The following EYS variants were observed in gnomAD, a reference collection of about 807,000 sequenced individuals.
EYS encodes the protein protein eyes shut homolog.
A neutral mutation model predicts 282.1 loss-of-function variants in EYS; 250 were observed. That is an observed-to-expected ratio of 0.89 (90% CI 0.80 to 0.98). EYS has a LOEUF of 0.98. Ranked by LOEUF, EYS falls within the 50% of genes least tolerant of loss-of-function variation. The probability of loss-of-function intolerance (pLI) is 0.00; values close to 1 mark genes in which losing one functional copy is unlikely to be tolerated. For missense variants in EYS, 4,016 were observed against 3,709.0 expected (o/e 1.08, Z -2.15); for synonymous variants, 1,355 against 1,282.9 (o/e 1.06, Z -1.20).
intron 28 of EYS, among the ~76,000 whole-genome samples, chr6:64,428,273 T>A (rs1314600987): frequency 2.0e-5 from 3 of 152,148 alleles, no homozygotes; most frequent in African/African-American, 7.2e-5. Flanking sequence ...TATTTTTTCA[T>A]CTCTGTTTTC....
intron 13 of EYS, among the ~76,000 whole-genome samples, chr6:65,047,962 G>C (rs1352280769): frequency 2.0e-5 from 3 of 151,714 alleles, no homozygotes; most frequent in Non-Finnish European, 2.9e-5. Flanking sequence ...GGGAAATGAG[G>C]TGATAAATGT....
chr6:64,938,496 T>C (rs1479748280), intron 15 of EYS, among the ~76,000 whole-genome samples: 1 of 151,692 alleles, frequency 6.6e-6, no homozygotes, highest in Non-Finnish European at 1.5e-5. Flanking sequence ...ATAATTTATA[T>C]ATAGATGGTC....
intron 26 of EYS, among the ~76,000 whole-genome samples, chr6:64,449,914 A>G (rs1198742223): frequency 1.3e-5 from 2 of 152,310 alleles, no homozygotes; most frequent in Admixed American, 6.5e-5. Flanking sequence ...GCCAAATTGT[A>G]AAGACCGTCA....
At chr6:64,691,678 T>A in intron 22 of EYS, among the ~76,000 whole-genome samples, 1 of 152,024 alleles carries the variant, frequency 6.6e-6, no homozygotes, top group East Asian at 1.9e-4. Flanking sequence ...TAACCTACAG[T>A]GTTTATTATT....
intron 26 of EYS, among the ~76,000 whole-genome samples, chr6:64,480,156 T>C (rs778684590): frequency 4.6e-5 from 7 of 151,930 alleles, no homozygotes; most frequent in Admixed American, 6.6e-5. Context: ...ATACCACTAG[T>C]AACTCATGTA....
At chr6:64,024,950 C>A (rs888075888) in intron 33 of EYS, among the ~76,000 whole-genome samples, 10 of 152,146 alleles carry the variant, frequency 6.6e-5, no homozygotes, top group Non-Finnish European at 1.3e-4. Flanking sequence ...CACATTTTGG[C>A]GACCACGAAG....
At chr6:64,510,551 C>T (rs9351291) in intron 26 of EYS, among the ~76,000 whole-genome samples, 59,626 of 151,896 alleles carry the variant, frequency 0.39, 12,022 homozygotes, top group African/African-American at 0.5. Flanking sequence ...ACAACTATCT[C>T]TAAAAAATCA....
intron 2 of EYS, among the ~76,000 whole-genome samples, chr6:65,579,407 T>A (rs1446137813): frequency 6.6e-6 from 1 of 152,100 alleles, no homozygotes; most frequent in Admixed American, 6.6e-5. Flanking sequence ...TTTCTGGAAA[T>A]ATATATCAGA....
intron 14 of EYS, among the ~76,000 whole-genome samples, chr6:64,954,027 G>A (rs1239655318): frequency 1.3e-5 from 2 of 151,514 alleles, no homozygotes; most frequent in Non-Finnish European, 2.9e-5. Flanking sequence ...AAAGCAAATG[G>A]TCATTTTAGT....
intron 29 of EYS, among the ~76,000 whole-genome samples, chr6:64,345,441 G>A (rs1771345186): frequency 6.6e-6 from 1 of 152,030 alleles, no homozygotes; most frequent in African/African-American, 2.4e-5. Context: ...ACAAAAACAA[G>A]CAATGGGAAA....
chr6:64,754,136 G>C (rs1562172550), intron 22 of EYS, among the ~76,000 whole-genome samples: 1 of 151,976 alleles, frequency 6.6e-6, no homozygotes, highest in Admixed American at 6.6e-5. Context: ...TGTGTTACAT[G>C]CTTACATCAA....
At chr6:65,559,705 C>A (rs1582455588) in intron 2 of EYS, among the ~76,000 whole-genome samples, 1 of 151,934 alleles carries the variant, frequency 6.6e-6, no homozygotes, top group Admixed American at 6.6e-5. Context: ...CATTTAAATA[C>A]CATGTTTAAT....
chr6:63,823,405 A>C (rs1325082574), intron 36 of EYS, among the ~76,000 whole-genome samples: 1 of 152,206 alleles, frequency 6.6e-6, no homozygotes, highest in East Asian at 1.9e-4. Flanking sequence ...ATTACCTTTG[A>C]AGATGCTAAC....
At chr6:65,105,044 T>C (rs991646730) in intron 12 of EYS, among the ~76,000 whole-genome samples, 13 of 151,644 alleles carry the variant, frequency 8.6e-5, no homozygotes, top group African/African-American at 3.1e-4. Context: ...GATATACATG[T>C]TTTTCCATGG....
chr6:65,384,364 T>G, intron 8 of EYS, 22 bp downstream of exon 8: 1 of 1,319,666 alleles, frequency 7.6e-7, no homozygotes, highest in Non-Finnish European at 1.1e-6. Flanking sequence ...TAACTTATGT[T>G]GCCATGTATT....
At chr6:64,868,924 C>T (rs1211510302) in intron 19 of EYS, among the ~76,000 whole-genome samples, 1 of 151,366 alleles carries the variant, frequency 6.6e-6, no homozygotes, top group African/African-American at 2.4e-5. Flanking sequence ...TTGATTTTCC[C>T]CAGTAAATAA....
At chr6:64,199,172 G>T (rs1765387778) in intron 31 of EYS, among the ~76,000 whole-genome samples, 1 of 152,132 alleles carries the variant, frequency 6.6e-6, no homozygotes, top group Non-Finnish European at 1.5e-5. Context: ...CACGCTATCT[G>T]ACTTCAAACT....
At chr6:65,598,112 AC>A (rs1383130567) in intron 2 of EYS, among the ~76,000 whole-genome samples, 1 of 136,400 alleles carries the variant, frequency 7.3e-6, no homozygotes, top group Non-Finnish European at 1.6e-5. Flanking sequence ...CAAAAACAAA[AC>A]AAAACAAAAC....
intron 28 of EYS, 33 bp downstream of exon 28, chr6:64,436,141 T>A: frequency 2.3e-6 from 3 of 1,303,728 alleles, no homozygotes; most frequent in Non-Finnish European, 3.2e-6. Context: ...TGCTACTTAA[T>A]GAGATTAACT....
Sources: allele counts gnomAD v4.1 joint callset (sites outside exome capture counted in the v4.1 genomes callset), GRCh38; gene constraint gnomAD v4.1.1; transcripts MANE v1.5; gene names NCBI Gene and HGNC (gene_info 2026-07-23, HGNC 2026-07-21).